Variants in PSD3 observed in about 807,000 individuals in gnomAD.
PSD3 encodes the protein pleckstrin and Sec7 domain containing 3.
Under a neutral mutation model 105.5 loss-of-function variants are expected in PSD3, and 49 were observed. The observed-to-expected ratio is 0.46, with a 90% CI of 0.37 to 0.59. The LOEUF is 0.59. Among genes scored for constraint, PSD3 ranks in the 20% least tolerant of loss-of-function variants. The pLI is 0.00. For synonymous variants in PSD3, 557 were observed against 457.8 expected (o/e 1.22, Z -2.77); for missense variants, 1,561 against 1,263.8 (o/e 1.24, Z -3.57).
chr8:18,818,998 T>A (rs1051984138), intron 4 of PSD3, among the ~76,000 whole-genome samples: 1 of 152,010 alleles, frequency 6.6e-6, no homozygotes, highest in African/African-American at 2.4e-5. Flanking sequence ...TCCAGAGGAA[T>A]TGTGGAGTAA....
intron 9 of PSD3, among the ~76,000 whole-genome samples, chr8:18,665,689 G>A (rs1585551300): frequency 6.6e-6 from 1 of 152,182 alleles, no homozygotes; most frequent in East Asian, 1.9e-4. Flanking sequence ...AATCTTTCAT[G>A]AAAGAGTCTA....
chr8:18,697,806 G>A (rs970926014), intron 9 of PSD3, among the ~76,000 whole-genome samples: 7 of 152,182 alleles, frequency 4.6e-5, no homozygotes, highest in African/African-American at 1.2e-4. Context: ...TCAACATTTC[G>A]TCACTACACA....
At chr8:19,066,445 G>A (rs1025786851) in intron 1 of PSD3, among the ~76,000 whole-genome samples, 5 of 152,180 alleles carry the variant, frequency 3.3e-5, no homozygotes, top group Non-Finnish European at 2.9e-5. Flanking sequence ...AGGGAGCAGA[G>A]GGTCAACCAA....
chr8:18,596,897 A>G (rs1435131773), intron 12 of PSD3, among the ~76,000 whole-genome samples: 2 of 152,154 alleles, frequency 1.3e-5, no homozygotes, highest in Non-Finnish European at 2.9e-5. Flanking sequence ...CCTAACAGTT[A>G]AACAACTAAT....
chr8:18,538,945 G>A (rs868615161), intron 15 of PSD3, among the ~76,000 whole-genome samples: 1 of 152,162 alleles, frequency 6.6e-6, no homozygotes, highest in African/African-American at 2.4e-5. Flanking sequence ...AACAAAGCCT[G>A]CCCTGCTGTT....
At chr8:18,708,614 T>C (rs979898616) in intron 9 of PSD3, among the ~76,000 whole-genome samples, 1 of 151,892 alleles carries the variant, frequency 6.6e-6, no homozygotes, top group African/African-American at 2.4e-5. Flanking sequence ...ACCCAGTACA[T>C]AAAAGATGCA....
intron 9 of PSD3, among the ~76,000 whole-genome samples, chr8:18,716,746 C>T (rs1308682977): frequency 2.6e-5 from 4 of 152,270 alleles, no homozygotes; most frequent in South Asian, 2.1e-4. Flanking sequence ...GTTCTCCATG[C>T]TTGATTTACA....
At chr8:18,994,573 G>C (rs551419878) in intron 1 of PSD3, among the ~76,000 whole-genome samples, 1 of 152,032 alleles carries the variant, frequency 6.6e-6, no homozygotes, top group Admixed American at 6.6e-5. Context: ...TGTGCTGTGA[G>C]TGTAAAATAT....
chr8:18,981,417 A>G (rs563338241), intron 1 of PSD3, among the ~76,000 whole-genome samples: 2 of 152,332 alleles, frequency 1.3e-5, no homozygotes, highest in South Asian at 4.1e-4. Context: ...ATCACTTACT[A>G]GTGGGTGACC....
chr8:18,976,978 T>C (rs1824975456), intron 1 of PSD3, among the ~76,000 whole-genome samples: 1 of 152,188 alleles, frequency 6.6e-6, no homozygotes, highest in Admixed American at 6.5e-5. Flanking sequence ...AGAAAGACTA[T>C]TGTTTGACTT....
At chr8:18,943,696 C>A (rs750337365) in intron 1 of PSD3, among the ~76,000 whole-genome samples, 2 of 152,104 alleles carry the variant, frequency 1.3e-5, no homozygotes, top group Non-Finnish European at 2.9e-5. Flanking sequence ...GAGACAGCCC[C>A]TCCCCTACTC....
chr8:18,909,291 G>A (rs1423803693), intron 2 of PSD3, among the ~76,000 whole-genome samples: 2 of 152,030 alleles, frequency 1.3e-5, no homozygotes, highest in South Asian at 2.1e-4. Flanking sequence ...AGGTTTGACC[G>A]TGGCCCCATT....
intron 1 of PSD3, among the ~76,000 whole-genome samples, chr8:18,959,920 G>A (rs1264553222): frequency 1.3e-5 from 2 of 152,130 alleles, no homozygotes; most frequent in Non-Finnish European, 2.9e-5. Flanking sequence ...TGGTCCCTCA[G>A]GCTGGAAACA....
chr8:18,670,666 T>A (rs1417907567), intron 9 of PSD3, among the ~76,000 whole-genome samples: 1 of 152,188 alleles, frequency 6.6e-6, no homozygotes, highest in East Asian at 1.9e-4. Context: ...ATCATTATGA[T>A]ATTTAAAGTC....
intron 4 of PSD3, among the ~76,000 whole-genome samples, chr8:18,816,712 AAG>A (rs1192456644): frequency 6.6e-6 from 1 of 152,176 alleles, no homozygotes; most frequent in Non-Finnish European, 1.5e-5. Flanking sequence ...AAAATACATG[AAG>A]AGTTTTCCCT....
intron 9 of PSD3, among the ~76,000 whole-genome samples, chr8:18,691,425 C>T (rs947648934): frequency 4.0e-4 from 61 of 152,204 alleles, no homozygotes; most frequent in Admixed American, 2.6e-4. Flanking sequence ...TTCCAACCAT[C>T]ATATGGAAAA....
chr8:18,828,306 T>C (rs1426599295), intron 4 of PSD3, among the ~76,000 whole-genome samples: 8 of 151,980 alleles, frequency 5.3e-5, no homozygotes, highest in Admixed American at 1.3e-4. Context: ...TTTAGTTTTA[T>C]AGTTGCTGGT....
At chr8:18,536,499 C>T (rs1372647282) in intron 15 of PSD3, among the ~76,000 whole-genome samples, 1 of 152,196 alleles carries the variant, frequency 6.6e-6, no homozygotes, top group Non-Finnish European at 1.5e-5. Flanking sequence ...ACCATACCAC[C>T]TTCTAGAAGC....
intron 4 of PSD3, among the ~76,000 whole-genome samples, chr8:18,837,751 C>A (rs1479564713): frequency 6.6e-6 from 1 of 151,942 alleles, no homozygotes; most frequent in African/African-American, 2.4e-5. Context: ...CCAGCCTGGG[C>A]AAGATGACAA....
Sources: allele counts gnomAD v4.1 joint callset (sites outside exome capture counted in the v4.1 genomes callset), GRCh38; gene constraint gnomAD v4.1.1; transcripts MANE v1.5; gene names NCBI Gene and HGNC (gene_info 2026-07-23, HGNC 2026-07-21).